The following PTBP3 variants were observed in gnomAD, a reference collection of about 807,000 sequenced individuals.
PTBP3 encodes the protein polypyrimidine tract binding protein 3, also known as polypyrimidine tract-binding protein 3.
PTBP3 carries 20 observed loss-of-function variants against 58.7 expected under a neutral mutation model. That is an observed-to-expected ratio of 0.34 (90% CI 0.24 to 0.50). The LOEUF (loss-of-function observed/expected upper bound fraction) is 0.50. Ranked by LOEUF, PTBP3 falls within the 20% of genes least tolerant of loss-of-function variation. The probability of loss-of-function intolerance (pLI) is 0.98; values close to 1 mark genes in which losing one functional copy is unlikely to be tolerated. For synonymous variants in PTBP3, 185 were observed against 219.8 expected, an observed-to-expected ratio of 0.84 and a Z score of 1.40; for missense variants, 509 against 637.2, an observed-to-expected ratio of 0.80 and a Z score of 2.17.
chr9:112,289,054 G>A (rs556885329), intron 2 of PTBP3, among the ~76,000 whole-genome samples: 1 of 152,256 alleles, frequency 6.6e-6, no homozygotes, highest in African/African-American at 2.4e-5. Flanking sequence ...TCAGAAAAAA[G>A]GACTACATTC....
chr9:112,333,497 A>AC lies in PTBP3; in HGVS notation c.-80dup, dbSNP rs1195993210. Reference sequence around the variant, plus strand: ...ATCCATGGCCCAGATGGAGGCGCGCACAGAGCAGGGACTGACGGGCTAACC... The same window carrying AC: ...ATCCATGGCCCAGATGGAGGCGCGCACCAGAGCAGGGACTGACGGGCTAACC... On this transcript the variant is annotated 5_prime_UTR_variant, in exon 1 of 14. Coordinates refer to ENST00000374257, the MANE Select transcript of PTBP3 (RefSeq NM_001163788.4). The AC allele has an allele frequency of 6.3e-7, 1 of 1,592,770 alleles. No homozygotes were observed. The highest frequency in any genetic ancestry group is 8.5e-7 in the Non-Finnish European group (1 of 1,170,208).
Position 112,222,027 on chromosome 9 carries a change from C to T in PTBP3, c.*1824G>A. 1.1e-6 allele frequency: 1 copy of T among 939,748 alleles called. No individual in the cohort carries two copies. The highest frequency in any genetic ancestry group is 1.3e-6 in the Non-Finnish European group (1 of 788,084). The allele number at this position is 939,748 out of a possible 1,614,324, so 58.2% of individuals were successfully genotyped here. ...CTCCTGGGCTCAAGTGATCCTCCTG[C>T]CTGTAGCCTCCTGCCTACAGGCTCA... On this transcript the variant is annotated 3_prime_UTR_variant, in exon 14 of 14. Coordinates refer to ENST00000374257, the MANE Select transcript of PTBP3 (RefSeq NM_001163788.4).
chr9:112,307,606 A>G (rs761423526), intron 1 of PTBP3, among the ~76,000 whole-genome samples: 14 of 152,212 alleles, frequency 9.2e-5, no homozygotes, highest in Non-Finnish European at 5.9e-5. Flanking sequence ...CAGAACATGA[A>G]AAACAAAAGA....
chr9:112,282,656 C>CTATT (rs1370918663), intron 2 of PTBP3, among the ~76,000 whole-genome samples: 1 of 150,882 alleles, frequency 6.6e-6, no homozygotes, highest in Non-Finnish European at 1.5e-5. Context: ...TTTTTTTTTA[C>CTATT]TATTTGGGAA....
chr9:112,317,871 AG>A (rs1829770208), intron 1 of PTBP3, among the ~76,000 whole-genome samples: 1 of 151,694 alleles, frequency 6.6e-6, no homozygotes, highest in African/African-American at 2.4e-5. Context: ...TGAACCCGTG[AG>A]TCGGAGGTTG....
intron 2 of PTBP3, among the ~76,000 whole-genome samples, chr9:112,287,336 TTTTTG>T (rs1225101020): frequency 1.0e-4 from 14 of 134,152 alleles, no homozygotes; most frequent in Admixed American, 1.5e-4. Context: ...CTTTTTCAGT[TTTTTG>T]TTTTTTTTTT....
intron 1 of PTBP3, among the ~76,000 whole-genome samples, chr9:112,321,086 C>G (rs1318895565): frequency 6.6e-6 from 1 of 152,050 alleles, no homozygotes; most frequent in African/African-American, 2.4e-5. Flanking sequence ...AAGCCACAGA[C>G]AGGAAAATAT....
chr9:112,223,921 A>G lies in PTBP3; in HGVS notation c.1505T>C (p.Ile502Thr). ...TCCAAGGTCATGGTTATGAAGCTCA[A>G]TGAGGGCCTGAATTGCTTCTTCCAC... Reference protein sequence around the residue: ...GSVEEAIQALIELHNHDLGEN... With the variant: ...GSVEEAIQALTELHNHDLGEN... The change falls in exon 14 of 14, where the codon ATT (isoleucine) becomes ACT (threonine). Residue 502 changes from isoleucine to threonine, a missense_variant. Around this residue, in one of 4 missense-constraint regions of PTBP3, gnomAD observed 135 missense variants for 229.0 expected, o/e 0.59. Coordinates refer to ENST00000374257, the MANE Select transcript of PTBP3 (RefSeq NM_001163788.4). 5 of 1,613,846 alleles carry G rather than the reference A, an allele frequency of 3.1e-6. No homozygotes were observed. Among genetic ancestry groups the G allele is most frequent in the Non-Finnish European group, 4.2e-6 (5 of 1,179,864 alleles).
intron 2 of PTBP3, among the ~76,000 whole-genome samples, chr9:112,280,370 AT>A (rs371625056): frequency 2.7e-5 from 4 of 147,374 alleles, no homozygotes; most frequent in South Asian, 2.2e-4. Context: ...TTTATTTATT[AT>A]TTTTTTTTTA....
chr9:112,335,211 C>T (rs189554029), upstream of PTBP3, among the ~76,000 whole-genome samples: 712 of 152,268 alleles, frequency 4.7e-3, 6 homozygotes, highest in African/African-American at 0.016. Context: ...CCACCCCCTG[C>T]CCATGACTAC....
At chr9:112,260,643 G>C (rs1167343652) in intron 5 of PTBP3, among the ~76,000 whole-genome samples, 3 of 152,224 alleles carry the variant, frequency 2.0e-5, no homozygotes, top group Non-Finnish European at 2.9e-5. Flanking sequence ...ATAGGGAAGG[G>C]AGGTAGGGAG....
At chr9:112,268,916 C>T (rs1042431804) in intron 3 of PTBP3, among the ~76,000 whole-genome samples, 3 of 152,018 alleles carry the variant, frequency 2.0e-5, no homozygotes, top group African/African-American at 7.2e-5. Context: ...GAGGCTAAGG[C>T]TGGGCACAGT....
intron 8 of PTBP3, 133 bp downstream of exon 8, chr9:112,234,687 C>T (rs752352739): frequency 6.7e-6 from 5 of 748,158 alleles, no homozygotes; most frequent in East Asian, 5.7e-5. Flanking sequence ...CAAATCACTA[C>T]ACTTCTACAG....
At chr9:112,316,854 C>T (rs932333333) in intron 1 of PTBP3, among the ~76,000 whole-genome samples, 7 of 152,030 alleles carry the variant, frequency 4.6e-5, no homozygotes, top group Non-Finnish European at 1.0e-4. Flanking sequence ...CACCTGTAAT[C>T]CCAGCTACTT....
intron 1 of PTBP3, among the ~76,000 whole-genome samples, chr9:112,325,000 A>G (rs1040707751): frequency 1.3e-5 from 2 of 152,206 alleles, no homozygotes; most frequent in African/African-American, 4.8e-5. Context: ...CTAGTCATGG[A>G]TTGAATGAAA....
At chr9:112,379,808 A>C in the PTBP3 span, 24 of 420,558 alleles carry the variant, frequency 5.7e-5, no homozygotes, top group Non-Finnish European at 6.4e-5. Context: ...GAGACAGGGA[A>C]AAGGTGGACG....
chr9:112,244,413 C>G (rs1365114421), intron 7 of PTBP3, among the ~76,000 whole-genome samples: 2 of 151,836 alleles, frequency 1.3e-5, no homozygotes, highest in African/African-American at 2.4e-5. Context: ...GTGGCTCACG[C>G]TGGTAATCCT....
intron 4 of PTBP3, among the ~76,000 whole-genome samples, chr9:112,266,744 TA>T (rs1251425121): frequency 6.6e-6 from 1 of 152,224 alleles, no homozygotes; most frequent in Non-Finnish European, 1.5e-5. Flanking sequence ...TAAAATTAGA[TA>T]TATAGACATC....
chr9:112,340,957 G>A, the PTBP3 span, among the ~76,000 whole-genome samples: 59 of 151,982 alleles, frequency 3.9e-4, no homozygotes, highest in Non-Finnish European at 7.5e-4. Context: ...GGATAAAGAA[G>A]TATTTTGTCT....
Sources: gnomAD v4.1 joint callset for allele counts (sites outside exome capture counted in the v4.1 genomes callset) on GRCh38, gnomAD v4.1.1 for gene constraint, gnomAD v4.1.1 regional missense constraint, MANE v1.5 for transcripts, NCBI Gene and HGNC (gene_info 2026-07-23, HGNC 2026-07-21) for gene names.